The following CCDC102B variants were observed in gnomAD, a reference collection of about 807,000 sequenced individuals.
The protein encoded by CCDC102B is coiled-coil domain-containing protein 102B.
A neutral mutation model predicts 57.4 loss-of-function variants in CCDC102B; 75 were observed. That is an observed-to-expected ratio of 1.31 (90% CI 1.08 to 1.58). CCDC102B has a LOEUF of 1.58. Among genes scored for constraint, CCDC102B ranks in the 40% most tolerant of loss-of-function variants. CCDC102B has a pLI of 0.00. For synonymous variants in CCDC102B, 206 were observed against 201.9 expected, an observed-to-expected ratio of 1.02 and a Z score of -0.17; for missense variants, 636 against 582.6, an observed-to-expected ratio of 1.09 and a Z score of -0.94.
rs994060069 is a variant in CCDC102B at position 68,838,523 on chromosome 18, A to G, written c.607-183A>G. On this transcript the variant is annotated intron_variant, in intron 2 of 7. Coordinates refer to ENST00000360242, the MANE Select transcript of CCDC102B (RefSeq NM_024781.3). ...TTTTTTATGAGAAAGTAGAACATAG[A>G]AAAAAACAAGCTCAAAGAAGAATGC... is the stretch of plus-strand genomic sequence containing the variant. 5 of 985,198 alleles carry G rather than the reference A, an allele frequency of 5.1e-6. No individual in the cohort carries two copies. The African/African-American group carries it at 7.0e-5, about 14-fold the overall frequency. 61.0% of individuals were successfully genotyped at this position (985,198 alleles called of 1,614,324 possible). A position where few individuals can be genotyped will look rare whatever the true frequency, so the allele number is the denominator to read the frequency against.
At chr18:68,904,113 C>G (rs866467445) in intron 6 of CCDC102B, among the ~76,000 whole-genome samples, 3 of 27,872 alleles carry the variant, frequency 1.1e-4, no homozygotes, top group Non-Finnish European at 2.5e-4. Context: ...ACAGTTTTTA[C>G]TGTTATAAAA....
intron 2 of CCDC102B, among the ~76,000 whole-genome samples, chr18:68,761,151 T>G (rs1055259763): frequency 6.6e-5 from 10 of 152,094 alleles, no homozygotes; most frequent in Non-Finnish European, 8.8e-5. Flanking sequence ...AGCCTTAATT[T>G]GTCTTTTTAT....
intron 2 of CCDC102B, among the ~76,000 whole-genome samples, chr18:68,787,962 A>G (rs1418811470): frequency 6.6e-6 from 1 of 150,842 alleles, no homozygotes; most frequent in African/African-American, 2.4e-5. Flanking sequence ...TCTTGTGGGC[A>G]TTTAGTGCTA....
intron 6 of CCDC102B, among the ~76,000 whole-genome samples, chr18:68,964,310 A>C (rs1372031862): frequency 6.6e-6 from 1 of 151,600 alleles, no homozygotes; most frequent in Non-Finnish European, 1.5e-5. Context: ...TCAATAACCA[A>C]ATTCTAATTT....
At chr18:69,045,491 A>G (rs2052538253) in intron 7 of CCDC102B, among the ~76,000 whole-genome samples, 1 of 152,150 alleles carries the variant, frequency 6.6e-6, no homozygotes, top group Non-Finnish European at 1.5e-5. Flanking sequence ...AATACTGAGG[A>G]ATCATTTTAA....
intron 6 of CCDC102B, among the ~76,000 whole-genome samples, chr18:68,942,393 T>G (rs2049402210): frequency 6.6e-6 from 1 of 151,976 alleles, no homozygotes; most frequent in Non-Finnish European, 1.5e-5. Flanking sequence ...GGACCGGTGC[T>G]CAGCATATGG....
chr18:68,903,755 C>G (rs2040530142), intron 6 of CCDC102B, among the ~76,000 whole-genome samples: 1 of 152,160 alleles, frequency 6.6e-6, no homozygotes, highest in Non-Finnish European at 1.5e-5. Context: ...TTACTGAAAT[C>G]ATTCTGGCAA....
intron 6 of CCDC102B, among the ~76,000 whole-genome samples, chr18:68,979,576 G>T (rs1023722627): frequency 6.6e-6 from 1 of 152,038 alleles, no homozygotes; most frequent in Non-Finnish European, 1.5e-5. Context: ...GGCTGTGTAT[G>T]ATTGAATGCA....
chr18:68,886,682 A>G (rs1232312123), intron 5 of CCDC102B, among the ~76,000 whole-genome samples: 1 of 152,104 alleles, frequency 6.6e-6, no homozygotes, highest in Non-Finnish European at 1.5e-5. Flanking sequence ...GTCACTGACT[A>G]CATAGTAACC....
chr18:68,874,854 T>G, intron 5 of CCDC102B, 69 bp downstream of exon 5: 1 of 991,562 alleles, frequency 1.0e-6, no homozygotes, highest in Non-Finnish European at 1.6e-6. Flanking sequence ...GCCATACTAT[T>G]TTAAGTAGGG....
intron 5 of CCDC102B, among the ~76,000 whole-genome samples, chr18:68,879,088 G>T (rs1485567732): frequency 2.0e-5 from 3 of 151,490 alleles, no homozygotes; most frequent in Non-Finnish European, 4.4e-5. Context: ...TCTTAAGGCA[G>T]CATGTCTGGA....
intron 1 of CCDC102B, among the ~76,000 whole-genome samples, chr18:68,831,462 A>T (rs1031800951): frequency 1.3e-5 from 2 of 152,162 alleles, no homozygotes; most frequent in Admixed American, 1.3e-4. Context: ...CTTGGCAAAC[A>T]TGACATTGTT....
intron 2 of CCDC102B, among the ~76,000 whole-genome samples, chr18:68,747,796 G>A (rs2033680785): frequency 1.3e-5 from 2 of 152,062 alleles, no homozygotes; most frequent in Admixed American, 1.3e-4. Context: ...GTTGGGTGTT[G>A]GCCACTGTGA....
At chr18:68,893,615 G>A (rs1294708778) in intron 5 of CCDC102B, among the ~76,000 whole-genome samples, 1 of 152,092 alleles carries the variant, frequency 6.6e-6, no homozygotes, top group African/African-American at 2.4e-5. Context: ...GTGTGTGTCT[G>A]GTGCTGGGCT....
intron 6 of CCDC102B, among the ~76,000 whole-genome samples, chr18:68,994,820 G>C (rs188334434): frequency 4.5e-4 from 69 of 152,294 alleles, no homozygotes; most frequent in African/African-American, 1.5e-3. Context: ...TGTGAAAACA[G>C]ACTGATAGAG....
chr18:68,962,772 A>G (rs922950593), intron 6 of CCDC102B, among the ~76,000 whole-genome samples: 3 of 152,014 alleles, frequency 2.0e-5, no homozygotes, highest in South Asian at 2.1e-4. Flanking sequence ...CTAAGCTTCT[A>G]TTGTATTTCC....
intron 6 of CCDC102B, among the ~76,000 whole-genome samples, chr18:68,973,898 A>G (rs1012592708): frequency 6.6e-6 from 1 of 152,088 alleles, no homozygotes; most frequent in Non-Finnish European, 1.5e-5. Context: ...TAGAACTGCT[A>G]TTCACTGTTC....
intron 6 of CCDC102B, among the ~76,000 whole-genome samples, chr18:68,911,546 A>G (rs1047440528): frequency 6.7e-6 from 1 of 150,070 alleles, no homozygotes; most frequent in South Asian, 2.1e-4. Context: ...AGGTCAGGAG[A>G]TCGAGACCAT....
Position 68,731,747 on chromosome 18 carries a change from C to T in CCDC102B, c.-67+15153C>T, listed in dbSNP as rs145350070. On this transcript the variant is annotated intron_variant, in intron 2 of 3. Coordinates refer to the CCDC102B transcript ENST00000578970. ...ATATGATCTCCTATACAATAATGCT[C>T]ATTCAGTTATATATCAGTTGTCAAA... 1.8e-4 allele frequency among the ~76,000 whole-genome samples: 27 copies of T among 149,242 alleles called. 1 individual carries two copies. In the East Asian group the frequency reaches 5.4e-3, roughly 30 times the overall value.
Sources: allele counts gnomAD v4.1 joint callset (sites outside exome capture counted in the v4.1 genomes callset), GRCh38; gene constraint gnomAD v4.1.1; transcripts MANE v1.5; gene names NCBI Gene and HGNC (gene_info 2026-07-23, HGNC 2026-07-21).